The following SH3RF3 variants were observed in gnomAD, a reference collection of about 807,000 sequenced individuals.
SH3RF3 encodes E3 ubiquitin-protein ligase SH3RF3.
In SH3RF3, 29 loss-of-function variants were observed where a neutral mutation model predicts 66.3. The observed-to-expected ratio is 0.44, with a 90% CI of 0.33 to 0.60. The LOEUF (loss-of-function observed/expected upper bound fraction) is 0.60, where lower values mean the gene tolerates loss of function less well. Among genes scored for constraint, SH3RF3 ranks in the 20% least tolerant of loss-of-function variants. SH3RF3 has a pLI of 0.04. For synonymous variants in SH3RF3, 583 were observed against 532.0 expected (o/e 1.10, Z -1.32); for missense variants, 1,194 against 1,190.9 (o/e 1.00, Z -0.04).
intron 4 of SH3RF3, among the ~76,000 whole-genome samples, chr2:109,414,232 T>C (rs72945388): frequency 0.035 from 5,345 of 152,266 alleles, 283 homozygotes; most frequent in African/African-American, 0.11. Flanking sequence ...CACGAGCCTT[T>C]GTTGAGGGCC....
At chr2:109,459,240 T>G (rs574410632) in intron 8 of SH3RF3, among the ~76,000 whole-genome samples, 1 of 152,290 alleles carries the variant, frequency 6.6e-6, no homozygotes, top group African/African-American at 2.4e-5. Context: ...ATATACACAT[T>G]CACACAGACA....
intron 1 of SH3RF3, among the ~76,000 whole-genome samples, chr2:109,249,573 T>TTCCGTCCGTCCGTCCG (rs1680027293): frequency 7.3e-6 from 1 of 137,330 alleles, no homozygotes; most frequent in African/African-American, 2.9e-5. Flanking sequence ...CCTTCCTTCC[T>TTCCGTCCGTCCGTCCG]TCCTTCCTTC....
At chr2:109,206,406 G>A (rs1353825776) in intron 1 of SH3RF3, among the ~76,000 whole-genome samples, 1 of 150,354 alleles carries the variant, frequency 6.7e-6, no homozygotes, top group Admixed American at 6.7e-5. Flanking sequence ...CAGGAGAGTG[G>A]CGTGAACCTG....
At chr2:109,167,308 A>T (rs1437794585) in intron 1 of SH3RF3, among the ~76,000 whole-genome samples, 1 of 152,228 alleles carries the variant, frequency 6.6e-6, no homozygotes, top group African/African-American at 2.4e-5. Context: ...CGGTAGAACC[A>T]ATTAGAACAA....
rs1246455522 is a variant in SH3RF3 at position 109,437,137 on chromosome 2, A to T, written c.1819A>T (p.Ile607Phe). ...QPTASQARST[I>F]STAAHSAAQA... is the part of the protein sequence containing the mutation. Reference sequence around the variant, plus strand: ...AACGGCCAGCCAAGCCCGGAGCACCATTTCAACAGGTACCTTCACAGGGGC... The same window carrying T: ...AACGGCCAGCCAAGCCCGGAGCACCTTTTCAACAGGTACCTTCACAGGGGC... The change falls in exon 7 of 10, where the codon ATT (isoleucine) becomes TTT (phenylalanine). Residue 607 changes from isoleucine (I) to phenylalanine (F), a missense_variant. Physicochemically the swap from Ile to Phe is conservative, Grantham distance 21. Transcript: ENST00000309415. 1 of 1,610,268 alleles carries T rather than the reference A, an allele frequency of 6.2e-7. No individual in the cohort carries two copies. Among genetic ancestry groups the T allele is most frequent in the Non-Finnish European group, 8.5e-7 (1 of 1,177,564 alleles).
chr2:109,496,980 G>A (rs961408450), intron 9 of SH3RF3, among the ~76,000 whole-genome samples: 16 of 152,176 alleles, frequency 1.1e-4, no homozygotes, highest in Non-Finnish European at 2.4e-4. Context: ...CCAGAGAAGG[G>A]ATGAAGGCAG....
At chr2:109,241,414 TG>T (rs1195318620) in intron 1 of SH3RF3, among the ~76,000 whole-genome samples, 1 of 152,198 alleles carries the variant, frequency 6.6e-6, no homozygotes, top group Non-Finnish European at 1.5e-5. Flanking sequence ...ATAGATGCAT[TG>T]GGGGAAAAAA....
intron 1 of SH3RF3, among the ~76,000 whole-genome samples, chr2:109,214,780 G>A (rs910368257): frequency 6.6e-6 from 1 of 152,234 alleles, no homozygotes; most frequent in African/African-American, 2.4e-5. Flanking sequence ...CACCCCTCTG[G>A]ACTTGCGTCC....
Position 109,142,179 on chromosome 2 carries a change from C to T in SH3RF3, c.573+12066C>T, listed in dbSNP as rs149547646. ...CAGCAAGGGAATGCTTCCCATGGTC[C>T]AGCCCCCTGGGCGGACTCTTGCGCC... On this transcript the variant is annotated intron_variant, in intron 1 of 9. Coordinates refer to ENST00000309415, the MANE Select transcript of SH3RF3 (RefSeq NM_001099289.3). 9.5e-4 allele frequency among the ~76,000 whole-genome samples: 145 copies of T among 152,262 alleles called. 5 individuals are homozygous for T. The East Asian group carries it at 0.027, about 28-fold the overall frequency.
chr2:109,185,809 C>T (rs1678173339), intron 1 of SH3RF3, among the ~76,000 whole-genome samples: 1 of 152,232 alleles, frequency 6.6e-6, no homozygotes, highest in Non-Finnish European at 1.5e-5. Flanking sequence ...TATTAATCTT[C>T]TGTGGCACTG....
chr2:109,378,477 G>C (rs1036660733), intron 3 of SH3RF3, among the ~76,000 whole-genome samples: 4 of 152,306 alleles, frequency 2.6e-5, no homozygotes, highest in Non-Finnish European at 4.4e-5. Flanking sequence ...TGGGCTTATG[G>C]AGCTGTGTGA....
intron 1 of SH3RF3, among the ~76,000 whole-genome samples, chr2:109,274,405 G>A: frequency 6.6e-6 from 1 of 152,212 alleles, no homozygotes; most frequent in East Asian, 1.9e-4. Context: ...GTGGATGAGT[G>A]GATAAACAAA....
chr2:109,501,340 T>G (rs965767408), intron 9 of SH3RF3, among the ~76,000 whole-genome samples, 163 bp from the exon 10 acceptor site: 1 of 152,096 alleles, frequency 6.6e-6, no homozygotes, highest in Admixed American at 6.5e-5. Flanking sequence ...AATGAAAAAT[T>G]TCCAGAGTTT....
At chr2:109,496,740 A>C (rs1477498450) in intron 9 of SH3RF3, among the ~76,000 whole-genome samples, 2 of 152,004 alleles carry the variant, frequency 1.3e-5, no homozygotes, top group African/African-American at 4.8e-5. Context: ...TCTATGCCCT[A>C]AACCCTAAAA....
chr2:109,281,053 G>A (rs1427515815), intron 1 of SH3RF3, among the ~76,000 whole-genome samples: 6 of 152,220 alleles, frequency 3.9e-5, no homozygotes, highest in Non-Finnish European at 1.5e-5. Context: ...AGCCGACCTT[G>A]TATGCCATGA....
rs546072603 is a variant in SH3RF3 at position 109,495,954 on chromosome 2, T to A, written c.2480+5018T>A. On this transcript the variant is annotated intron_variant, in intron 9 of 9. Coordinates refer to ENST00000309415, the MANE Select transcript of SH3RF3 (RefSeq NM_001099289.3). ...TATATGCTATTGTGTCCAGAGTTGGTTCCTGGTGGGTTCGTGGTCTCACTG... is the reference window on the plus strand; with the variant it reads ...TATATGCTATTGTGTCCAGAGTTGGATCCTGGTGGGTTCGTGGTCTCACTG... 9.2e-5 allele frequency among the ~76,000 whole-genome samples: 14 copies of A among 152,326 alleles called. 1 individual carries two copies. In the East Asian group the frequency reaches 1.3e-3, roughly 15 times the overall value.
chr2:109,178,169 A>G (rs1339722381), intron 1 of SH3RF3, among the ~76,000 whole-genome samples: 1 of 152,232 alleles, frequency 6.6e-6, no homozygotes, highest in Non-Finnish European at 1.5e-5. Context: ...AGGAAAAAAT[A>G]TGAGGCACCA....
At chr2:109,164,563 C>T (rs571675084) in intron 1 of SH3RF3, among the ~76,000 whole-genome samples, 9 of 152,260 alleles carry the variant, frequency 5.9e-5, no homozygotes, top group African/African-American at 2.2e-4. Context: ...TACTCTTCTA[C>T]CCATTCAAAC....
At chr2:109,288,606 A>G (rs954036733) in intron 1 of SH3RF3, among the ~76,000 whole-genome samples, 4 of 152,200 alleles carry the variant, frequency 2.6e-5, no homozygotes, top group Admixed American at 2.6e-4. Context: ...CTGACAGCAC[A>G]CTGGGATTTT....
Sources: gnomAD v4.1 joint callset for allele counts (sites outside exome capture counted in the v4.1 genomes callset) on GRCh38, gnomAD v4.1.1 for gene constraint, MANE v1.5 for transcripts, NCBI Gene and HGNC (gene_info 2026-07-23, HGNC 2026-07-21) for gene names.